The following AQR variants were observed in gnomAD, a reference collection of about 807,000 sequenced individuals.
AQR encodes RNA helicase aquarius.
In AQR, 61 loss-of-function variants were observed where a neutral mutation model predicts 180.5. That is an observed-to-expected ratio of 0.34 (90% CI 0.28 to 0.42). The LOEUF is 0.42. Among genes scored for constraint, AQR ranks in the 10% least tolerant of loss-of-function variants. AQR has a pLI of 1.00. For synonymous variants in AQR, 551 were observed against 588.8 expected (o/e 0.94, Z 0.93); for missense variants, 1,281 against 1,798.3 (o/e 0.71, Z 5.20).
intron 27 of AQR, among the ~76,000 whole-genome samples, chr15:34,877,973 G>A (rs1892910930): frequency 6.6e-6 from 1 of 152,146 alleles, no homozygotes; most frequent in Non-Finnish European, 1.5e-5. Context: ...GGTGGTGTAG[G>A]AGTAAGGGCA....
intron 27 of AQR, among the ~76,000 whole-genome samples, chr15:34,881,740 G>T (rs1892976112): frequency 6.6e-6 from 1 of 152,124 alleles, no homozygotes; most frequent in Admixed American, 6.5e-5. Flanking sequence ...TGGAATGGTT[G>T]TATGTTTAAT....
intron 3 of AQR, among the ~76,000 whole-genome samples, chr15:34,959,875 T>G (rs1383646189): frequency 6.6e-6 from 1 of 152,210 alleles, no homozygotes; most frequent in African/African-American, 2.4e-5. Flanking sequence ...GTGCAGTGGC[T>G]AATGCCTGTA....
chr15:34,858,001 T>C (rs1342505311), intron 34 of AQR, among the ~76,000 whole-genome samples: 1 of 152,168 alleles, frequency 6.6e-6, no homozygotes, highest in Non-Finnish European at 1.5e-5. Context: ...ATTGATTGAC[T>C]GAGACAGAGT....
chr15:34,969,618 G>T lies in AQR; in HGVS notation c.-5C>A. 3 of 1,612,744 alleles carry T rather than the reference G, an allele frequency of 1.9e-6. No individual in the cohort carries two copies. Among genetic ancestry groups the T allele is most frequent in the Non-Finnish European group, 1.7e-6 (2 of 1,179,936 alleles). On this transcript the variant is annotated 5_prime_UTR_variant, in exon 1 of 35. It adds an upstream start codon to the 5' untranslated region. Transcript: ENST00000156471. ...GGGCTGCGCAGGGGCTGCCATGGCA[G>T]CACTCTTCCCTCCACTCCAGTGGAA... is the stretch of plus-strand genomic sequence containing the variant.
chr15:34,869,778 T>C (rs958458340), intron 31 of AQR: 2 of 152,214 alleles, frequency 1.3e-5, no homozygotes, highest in African/African-American at 4.8e-5. Flanking sequence ...TTACATTTCA[T>C]CTCTTTCTGA....
In AQR at chr15:34,937,094, G is replaced by C. The variant is rs149225593; in HGVS notation, c.718+1643C>G. Among the ~76,000 whole-genome samples, 376 of 152,288 alleles carry C rather than the reference G, an allele frequency of 2.5e-3. 3 individuals are homozygous for C. The highest frequency in any genetic ancestry group is 8.5e-3 in the African/African-American group (355 of 41,534). ...GTTCTGTCACCCAGGCTGGAGTGCA[G>C]TGGCACAATCTCGGCTCACTGCAAG... On this transcript the variant is annotated intron_variant, in intron 9 of 34. Coordinates refer to ENST00000156471, the MANE Select transcript of AQR (RefSeq NM_014691.3).
chr15:34,961,612 C>CA (rs1178777471), intron 2 of AQR, among the ~76,000 whole-genome samples: 666 of 26,280 alleles, frequency 0.025, 16 homozygotes, highest in East Asian at 0.057. Flanking sequence ...GACTCCATCT[C>CA]AAAAAAAAAA....
intron 1 of AQR, among the ~76,000 whole-genome samples, chr15:34,967,211 C>T (rs2050314241): frequency 6.6e-6 from 1 of 152,116 alleles, no homozygotes; most frequent in Admixed American, 6.5e-5. Flanking sequence ...GCCTTCTTTA[C>T]ATTCACACCT....
chr15:34,928,586 C>T (rs1006800259), intron 12 of AQR, among the ~76,000 whole-genome samples: 1 of 152,090 alleles, frequency 6.6e-6, no homozygotes, highest in Non-Finnish European at 1.5e-5. Context: ...TTTCTTTATC[C>T]AGTCTATCGT....
chr15:34,928,880 T>C (rs1893806003), intron 12 of AQR, among the ~76,000 whole-genome samples: 1 of 152,216 alleles, frequency 6.6e-6, no homozygotes, highest in African/African-American at 2.4e-5. Flanking sequence ...TAATTGCCAT[T>C]CTGACTGGTG....
At chr15:34,952,317 C>G (rs1204869917) in intron 4 of AQR, among the ~76,000 whole-genome samples, 1 of 152,174 alleles carries the variant, frequency 6.6e-6, no homozygotes, top group East Asian at 1.9e-4. Context: ...GTTGTGAGTA[C>G]TCTGTATGTA....
At chr15:34,967,249 G>C (rs2050314612) in intron 1 of AQR, among the ~76,000 whole-genome samples, 1 of 152,056 alleles carries the variant, frequency 6.6e-6, no homozygotes, top group Non-Finnish European at 1.5e-5. Flanking sequence ...CTATTTCCTT[G>C]CTCTTCTCAA....
At chr15:34,924,756 A>G (rs549622772) in intron 13 of AQR, among the ~76,000 whole-genome samples, 2 of 152,230 alleles carry the variant, frequency 1.3e-5, no homozygotes, top group South Asian at 4.1e-4. Context: ...AAATGAATTA[A>G]TAAATGTTTA....
At chr15:34,944,112 C>G (rs116875281) in intron 6 of AQR, among the ~76,000 whole-genome samples, 176 bp downstream of exon 6, 5,600 of 152,264 alleles carry the variant, frequency 0.037, 143 homozygotes, top group South Asian at 0.064. Flanking sequence ...AAAAACATAT[C>G]TTAAAGACTT....
intron 12 of AQR, among the ~76,000 whole-genome samples, chr15:34,929,461 CTTGT>C (rs1893816383): frequency 1.3e-5 from 2 of 152,162 alleles, no homozygotes; most frequent in Non-Finnish European, 2.9e-5. Context: ...TTCCCCATTG[CTTGT>C]TTTTGTCAGG....
intron 17 of AQR, among the ~76,000 whole-genome samples, chr15:34,909,060 C>T (rs563141134): frequency 2.0e-4 from 30 of 152,272 alleles, no homozygotes; most frequent in Non-Finnish European, 3.8e-4. Flanking sequence ...AAACTATACC[C>T]GCTACAGTAG....
chr15:34,875,192 C>G lies in AQR; in HGVS notation c.3238-328G>C, dbSNP rs555218087. ...TAGGTAACGAGCACACAGAAAGAAA[C>G]AGAAGCCCAAGAAGAGAAATGGAAA... On this transcript the variant is annotated intron_variant, in intron 28 of 34. Coordinates refer to ENST00000156471, the MANE Select transcript of AQR (RefSeq NM_014691.3). 1.2e-3 allele frequency among the ~76,000 whole-genome samples: 176 copies of G among 152,220 alleles called. 1 individual carries two copies. The highest frequency in any genetic ancestry group is 4.0e-3 in the African/African-American group (168 of 41,532).
Position 34,860,126 on chromosome 15 carries a change from T to G in AQR, c.4059A>C (p.Gln1353His), listed in dbSNP as rs183049363. The G allele has an allele frequency of 2.4e-5, 37 of 1,525,828 alleles. No homozygotes were observed. In the Admixed American group the frequency reaches 6.0e-4, roughly 25 times the overall value. The allele number at this position is 1,525,828 out of a possible 1,614,324, so 94.5% of individuals were successfully genotyped here. A position where few individuals can be genotyped will look rare whatever the true frequency, so the allele number is the denominator to read the frequency against. ...CCATCTGGGGCATATTTTTTATTAT[T>G]TGTACTTCATGAGATGGTCTCTCTC... The part of the protein sequence containing the change: ...KNGERPSHEV[Q>H]IIKNMPQMAN... The change falls in exon 34 of 35, where the codon CAA (glutamine) becomes CAC (histidine). Residue 1353 changes from glutamine to histidine, a missense_variant. Transcript: ENST00000156471.
At chr15:34,941,073 G>T in intron 7 of AQR, 74 bp from the exon 8 acceptor site, 2 of 1,043,550 alleles carry the variant, frequency 1.9e-6, no homozygotes, top group Non-Finnish European at 1.4e-6. Flanking sequence ...TCAACTATTT[G>T]CTAGTTTTCT....
Sources: allele counts gnomAD v4.1 joint callset (sites outside exome capture counted in the v4.1 genomes callset), GRCh38; gene constraint gnomAD v4.1.1; transcripts MANE v1.5; gene names NCBI Gene and HGNC (gene_info 2026-07-23, HGNC 2026-07-21).